Variants in MRPL45 observed in about 807,000 individuals in gnomAD.
MRPL45 encodes the protein large ribosomal subunit protein mL45.
MRPL45 carries 20 observed loss-of-function variants against 38.1 expected under a neutral mutation model. The observed-to-expected ratio is 0.53, with a 90% CI of 0.37 to 0.76. The LOEUF (loss-of-function observed/expected upper bound fraction) is 0.76, where lower values mean the gene tolerates loss of function less well. Among genes scored for constraint, MRPL45 ranks in the 30% least tolerant of loss-of-function variants. MRPL45 has a pLI of 0.00. For missense variants in MRPL45, 337 were observed against 395.6 expected (o/e 0.85, Z 1.26); for synonymous variants, 105 against 128.8 (o/e 0.82, Z 1.25).
chr17:38,322,446 T>G, intron 7 of MRPL45, 63 bp from the exon 8 acceptor site: 2 of 1,372,856 alleles, frequency 1.5e-6, no homozygotes, highest in Non-Finnish European at 2.0e-6. Context: ...GAGCAAGGGA[T>G]GAAGCTCTTC....
intron 4 of MRPL45, among the ~76,000 whole-genome samples, chr17:38,317,580 G>GT (rs924498356): frequency 1.8e-4 from 27 of 150,208 alleles, no homozygotes; most frequent in Admixed American, 6.6e-4. Flanking sequence ...GTTTTGTTTT[G>GT]TTTTTTTTTG....
In MRPL45 at chr17:38,309,267, A is replaced by T. The variant is rs971307320; in HGVS notation, c.461+2636A>T. Among the ~76,000 whole-genome samples the T allele has an allele frequency of 1.3e-4, 19 of 147,148 alleles. No homozygotes were observed. In the Admixed American group the frequency reaches 1.3e-3, roughly 10 times the overall value. On this transcript the variant is annotated intron_variant, in intron 4 of 7. Transcript: ENST00000613675. ...TGTGGTGGCTCTCGCTTGTAATCCC[A>T]GCGCTTTGGGAGGCCAAGACTGGTG...
chr17:38,309,119 C>A lies in MRPL45; in HGVS notation c.461+2488C>A, dbSNP rs373858844. ...ACAGGGTTTCACCATATTGGCCAGG[C>A]TGGTCTCGAACTCCTGACCTTGTGA... is the stretch of plus-strand genomic sequence containing the variant. On this transcript the variant is annotated intron_variant, in intron 4 of 7. Coordinates refer to ENST00000613675, the MANE Select transcript of MRPL45 (RefSeq NM_032351.6). Among the ~76,000 whole-genome samples, 5 of 150,022 alleles carry A rather than the reference C, an allele frequency of 3.3e-5. No individual in the cohort carries two copies. In the East Asian group the frequency reaches 6.2e-4, roughly 19 times the overall value.
intron 2 of MRPL45, 32 bp from the exon 3 acceptor site, chr17:38,299,319 A>C: frequency 7.0e-7 from 1 of 1,434,834 alleles, no homozygotes; most frequent in African/African-American, 1.5e-5. Flanking sequence ...ATCTTTCAAC[A>C]CTTTCTTAAT....
chr17:38,302,406 G>A (rs2037006142), intron 3 of MRPL45, among the ~76,000 whole-genome samples: 1 of 139,738 alleles, frequency 7.2e-6, no homozygotes, highest in African/African-American at 2.6e-5. Context: ...AGAATCGGTT[G>A]AACCCAGGAG....
At chr17:38,304,524 G>A (rs1172161282) in intron 3 of MRPL45, among the ~76,000 whole-genome samples, 2 of 152,044 alleles carry the variant, frequency 1.3e-5, no homozygotes, top group Admixed American at 1.3e-4. Context: ...GCACTGCTCT[G>A]TTGTCTTTGT....
chr17:38,302,593 A>G (rs1033066056), intron 3 of MRPL45, among the ~76,000 whole-genome samples: 4 of 150,236 alleles, frequency 2.7e-5, no homozygotes, highest in African/African-American at 9.8e-5. Flanking sequence ...CAGTACAAGC[A>G]AGGCTTTGAG....
chr17:38,306,175 C>T (rs186214732), intron 3 of MRPL45, among the ~76,000 whole-genome samples: 3,316 of 151,476 alleles, frequency 0.022, 106 homozygotes, highest in African/African-American at 0.073. Flanking sequence ...TTTGGGAGGC[C>T]GAGGCGGGCG....
chr17:38,322,056 C>T lies in MRPL45; in HGVS notation c.661-70C>T, dbSNP rs990513577. Reference sequence around the variant, plus strand: ...CAAAAAAAAAAAAAAGGTTGTATGGCAATAAAACAAACAACTCACACTCAC... The same window carrying T: ...CAAAAAAAAAAAAAAGGTTGTATGGTAATAAAACAAACAACTCACACTCAC... On this transcript the variant is annotated intron_variant, in intron 6 of 7. Transcript: ENST00000613675. The T allele has an allele frequency of 2.7e-6, 4 of 1,462,818 alleles. No individual in the cohort carries two copies. The African/African-American group carries it at 4.3e-5, about 16-fold the overall frequency. The allele number at this position is 1,462,818 out of a possible 1,614,324, so 90.6% of individuals were successfully genotyped here. A position where few individuals can be genotyped will look rare whatever the true frequency, so the allele number is the denominator to read the frequency against.
chr17:38,322,197 G>A lies in MRPL45; in HGVS notation c.732G>A (p.Glu244=). The A allele has an allele frequency of 1.2e-6, 2 of 1,614,166 alleles. No individual in the cohort carries two copies. The highest frequency in any genetic ancestry group is 1.7e-6 in the Non-Finnish European group (2 of 1,180,030). ...AAGATGTACCCAAGGATGTCCTGGA[G>A]TATGTTGTATTCGAAAAGCAGTTGA... ...GQEDVPKDVL[E]YVVFEKQLTN... Residue 244 remains glutamate, a synonymous_variant, in exon 7 of 8, where the codon GAG becomes GAA. Coordinates refer to ENST00000613675, the MANE Select transcript of MRPL45 (RefSeq NM_032351.6).
chr17:38,319,873 C>T (rs1274045923), intron 5 of MRPL45, among the ~76,000 whole-genome samples: 8 of 152,100 alleles, frequency 5.3e-5, no homozygotes, highest in Admixed American at 4.6e-4. Flanking sequence ...GAGGCCGAGG[C>T]GGGCGGATCA....
intron 4 of MRPL45, among the ~76,000 whole-genome samples, chr17:38,311,684 CA>C (rs756151374): frequency 0.77 from 71,408 of 92,264 alleles, 27,037 homozygotes; most frequent in Admixed American, 0.86. Flanking sequence ...GACTCCGTCT[CA>C]AAAAAAAAAA....
At chr17:38,309,180 C>T (rs951957773) in intron 4 of MRPL45, among the ~76,000 whole-genome samples, 2 of 149,888 alleles carry the variant, frequency 1.3e-5, no homozygotes, top group African/African-American at 4.9e-5. Context: ...GCTGGGATTA[C>T]AGGTGTGAGC....
intron 4 of MRPL45, among the ~76,000 whole-genome samples, chr17:38,313,369 T>C (rs1460416897): frequency 6.0e-5 from 1 of 16,800 alleles, no homozygotes; most frequent in African/African-American, 2.8e-4. Flanking sequence ...TATATATACG[T>C]ATATATATAT....
intron 3 of MRPL45, among the ~76,000 whole-genome samples, chr17:38,305,291 A>AC (rs1280092214): frequency 2.3e-5 from 3 of 131,566 alleles, no homozygotes; most frequent in Non-Finnish European, 3.3e-5. Context: ...GCATGGTGAA[A>AC]CCCCATCTCT....
At chr17:38,320,972 T>C (rs774649657) in intron 6 of MRPL45, among the ~76,000 whole-genome samples, 1 of 86,280 alleles carries the variant, frequency 1.2e-5, no homozygotes, top group Non-Finnish European at 3.3e-5. Context: ...TCTCCCACTC[T>C]TCCTGATTTT....
intron 4 of MRPL45, 126 bp downstream of exon 4, chr17:38,306,757 A>G: frequency 1.1e-6 from 1 of 896,446 alleles, no homozygotes; most frequent in Non-Finnish European, 1.7e-6. Flanking sequence ...TAAGAGATCT[A>G]GAGTGAGAGA....
intron 4 of MRPL45, among the ~76,000 whole-genome samples, chr17:38,316,569 G>T (rs1449012562): frequency 1.3e-5 from 2 of 151,396 alleles, no homozygotes; most frequent in Non-Finnish European, 2.9e-5. Flanking sequence ...AGTACTTTGG[G>T]AGGCCGAGGC....
At chr17:38,300,430 C>T (rs2036982110) in intron 3 of MRPL45, among the ~76,000 whole-genome samples, 1 of 152,076 alleles carries the variant, frequency 6.6e-6, no homozygotes, top group Non-Finnish European at 1.5e-5. Context: ...TCCCAAAATT[C>T]TGGGATTACA....
Sources: gnomAD v4.1 joint callset for allele counts (sites outside exome capture counted in the v4.1 genomes callset) on GRCh38, gnomAD v4.1.1 for gene constraint, MANE v1.5 for transcripts, NCBI Gene and HGNC (gene_info 2026-07-23, HGNC 2026-07-21) for gene names.